The following RPGRIP1L variants were observed in gnomAD, a reference collection of about 807,000 sequenced individuals.
The protein encoded by RPGRIP1L is RPGRIP1 like.
A neutral mutation model predicts 160.4 loss-of-function variants in RPGRIP1L; 131 were observed. That is an observed-to-expected ratio of 0.82 (90% confidence interval 0.71 to 0.94). The LOEUF (loss-of-function observed/expected upper bound fraction) is 0.94, where lower values mean the gene tolerates loss of function less well. RPGRIP1L is among the 40% of genes least tolerant of loss of function. The probability of loss-of-function intolerance (pLI) is 0.00; values close to 1 mark genes in which losing one functional copy is unlikely to be tolerated. For missense variants in RPGRIP1L, 1,522 were observed against 1,535.8 expected, an observed-to-expected ratio of 0.99 and a Z score of 0.15; for synonymous variants, 510 against 515.8, an observed-to-expected ratio of 0.99 and a Z score of 0.15.
rs1428670223 is a variant in RPGRIP1L, at chr16:53,648,961, T to C, written c.2304+3A>G. The C allele has an allele frequency of 6.2e-7, 1 of 1,613,512 alleles. No homozygotes were observed. The highest frequency in any genetic ancestry group is 2.2e-5 in the East Asian group (1 of 44,862). On this transcript the variant is annotated splice_donor_region_variant and intron_variant, in intron 16 of 26. Coordinates refer to ENST00000647211, the MANE Select transcript of RPGRIP1L (RefSeq NM_015272.5). ...AAAGGGTCTTAAAGCCAAATGAGCT[T>C]ACCGACTGCATATGCTCTGGCCCCT...
At chr16:53,616,592 A>G (rs1190560046) in intron 24 of RPGRIP1L, among the ~76,000 whole-genome samples, 5 of 152,204 alleles carry the variant, frequency 3.3e-5, no homozygotes, top group African/African-American at 1.2e-4. Context: ...AAAATTCTAC[A>G]CAGTCAAATT....
chr16:53,625,837 C>T, intron 22 of RPGRIP1L, among the ~76,000 whole-genome samples: 1 of 151,972 alleles, frequency 6.6e-6, no homozygotes, highest in Admixed American at 6.6e-5. Flanking sequence ...AATCTATAAC[C>T]TCACCCCCAA....
rs568192636 is a variant in RPGRIP1L, at chr16:53,618,915, T to C, written c.3616+110A>G. 334 of 912,314 alleles carry C rather than the reference T, an allele frequency of 3.7e-4. No individual in the cohort carries two copies. In the African/African-American group the frequency reaches 5.0e-3, roughly 14 times the overall value. 56.5% of individuals were successfully genotyped at this position (912,314 alleles called of 1,614,324 possible). A position where few individuals can be genotyped will look rare whatever the true frequency, so the allele number is the denominator to read the frequency against. Reference sequence around the variant, plus strand: ...TTAATCAATTCTGACAAGACTTCCATGAATTTATGTGAATATTAGAGAAAT... The same window carrying C: ...TTAATCAATTCTGACAAGACTTCCACGAATTTATGTGAATATTAGAGAAAT... On this transcript the variant is annotated intron_variant, in intron 24 of 26. Transcript: ENST00000647211.
chr16:53,670,340 G>A (rs1223852008), intron 9 of RPGRIP1L, among the ~76,000 whole-genome samples: 1 of 152,126 alleles, frequency 6.6e-6, no homozygotes, highest in East Asian at 1.9e-4. Flanking sequence ...TATTTTCTGA[G>A]GTTTCAGCAC....
chr16:53,621,430 A>ATTTT lies in RPGRIP1L; in HGVS notation c.3432+785_3432+788dup, dbSNP rs10710732. ...ATGATGTCTATCTTATTTCTGGTCA[A>ATTTT]TTTTTTTTTTTTTTTTTTGGATCTC... On this transcript the variant is annotated intron_variant, in intron 23 of 26. Coordinates refer to ENST00000647211, the MANE Select transcript of RPGRIP1L (RefSeq NM_015272.5). Among the ~76,000 whole-genome samples, 9 of 135,072 alleles carry ATTTT rather than the reference A, an allele frequency of 6.7e-5. No individual in the cohort carries two copies. In the East Asian group the frequency reaches 2.0e-3, roughly 29 times the overall value. 88.6% of individuals were successfully genotyped at this position (135,072 alleles called of 152,430 possible).
intron 23 of RPGRIP1L, among the ~76,000 whole-genome samples, chr16:53,621,057 C>T (rs888952560): frequency 6.6e-6 from 1 of 152,134 alleles, no homozygotes; most frequent in Non-Finnish European, 1.5e-5. Context: ...CTTATTTCTA[C>T]TCTGTGAAAA....
intron 13 of RPGRIP1L, 91 bp from the exon 14 acceptor site, chr16:53,656,680 C>T: frequency 1.0e-6 from 1 of 952,614 alleles, no homozygotes; most frequent in Non-Finnish European, 1.7e-6. Flanking sequence ...TTTCTAGATC[C>T]TGGAAATAGT....
chr16:53,685,740 G>C (rs1969960214), intron 6 of RPGRIP1L, among the ~76,000 whole-genome samples: 1 of 152,186 alleles, frequency 6.6e-6, no homozygotes, highest in Admixed American at 6.5e-5. Flanking sequence ...AAAGCATCAG[G>C]AAGAACAGCT....
At chr16:53,701,881 C>T (rs1209873978) in intron 1 of RPGRIP1L, 1 of 152,040 alleles carries the variant, frequency 6.6e-6, no homozygotes, top group Non-Finnish European at 1.5e-5. Flanking sequence ...TATTACAACT[C>T]GCAAATGGTG....
rs2151236754 is a variant in RPGRIP1L at position 53,671,566 on chromosome 16, A to G, written c.1047T>C (p.Asn349=). 1 of 1,546,654 alleles carries G rather than the reference A, an allele frequency of 6.5e-7. No individual in the cohort carries two copies. Among genetic ancestry groups the G allele is most frequent in the Non-Finnish European group, 8.9e-7 (1 of 1,121,628 alleles). The change falls in exon 9 of 27, where the codon AAT becomes AAC. Residue 349 remains asparagine (N), a synonymous_variant. Transcript: ENST00000647211. ...AAAGTTCCCGTTCCTTTTCTAAATC[A>G]TTAATTCTATCCTGCAGCTAAAATG... is the stretch of plus-strand genomic sequence containing the variant. ...RRIEELQDRI[N]DLEKERELLK...
intron 22 of RPGRIP1L, among the ~76,000 whole-genome samples, chr16:53,632,540 C>T (rs1351579633): frequency 6.6e-6 from 1 of 152,150 alleles, no homozygotes; most frequent in Non-Finnish European, 1.5e-5. Flanking sequence ...AGGAACACAG[C>T]AAATGCCCAC....
chr16:53,673,468 T>C (rs1018391382), intron 7 of RPGRIP1L, among the ~76,000 whole-genome samples: 4 of 152,024 alleles, frequency 2.6e-5, no homozygotes, highest in African/African-American at 9.7e-5. Context: ...CAGCTTTTAA[T>C]TTGCATACAA....
chr16:53,644,607 T>A (rs1027781485), intron 17 of RPGRIP1L, among the ~76,000 whole-genome samples: 1 of 152,004 alleles, frequency 6.6e-6, no homozygotes, highest in Non-Finnish European at 1.5e-5. Flanking sequence ...AGAACCACAA[T>A]AAAATTAACA....
intron 12 of RPGRIP1L, 33 bp from the exon 13 acceptor site, chr16:53,657,665 A>G (rs1044775300): frequency 3.2e-6 from 4 of 1,258,044 alleles, no homozygotes; most frequent in Middle Eastern, 2.7e-4. Context: ...TGACTGAAAC[A>G]AAAATTTCTA....
At chr16:53,695,803 T>G (rs1464596419) in intron 3 of RPGRIP1L, 1 of 327,232 alleles carries the variant, frequency 3.1e-6, no homozygotes, top group Non-Finnish European at 5.6e-6. Flanking sequence ...TAGTTACTTT[T>G]TAAAACTTTC....
At chr16:53,623,871 G>A (rs1174007772) in intron 22 of RPGRIP1L, among the ~76,000 whole-genome samples, 1 of 152,196 alleles carries the variant, frequency 6.6e-6, no homozygotes, top group Non-Finnish European at 1.5e-5. Flanking sequence ...AGTGGAGACT[G>A]TGTATCTTTT....
intron 22 of RPGRIP1L, among the ~76,000 whole-genome samples, chr16:53,634,218 C>T (rs140164411): frequency 1.0e-3 from 156 of 152,292 alleles, no homozygotes; most frequent in African/African-American, 3.5e-3. Flanking sequence ...GGGTGCTAAT[C>T]CCATTCACGA....
intron 24 of RPGRIP1L, among the ~76,000 whole-genome samples, chr16:53,614,612 T>C (rs1483816637): frequency 6.6e-6 from 1 of 152,222 alleles, no homozygotes; most frequent in Non-Finnish European, 1.5e-5. Flanking sequence ...CCTCTGATTA[T>C]GTCATGATAT....
chr16:53,663,103 T>A (rs904432554), intron 10 of RPGRIP1L, among the ~76,000 whole-genome samples: 1 of 151,966 alleles, frequency 6.6e-6, no homozygotes, highest in Non-Finnish European at 1.5e-5. Context: ...AGTGATTATT[T>A]TGCTAATATT....
Sources: allele counts gnomAD v4.1 joint callset (sites outside exome capture counted in the v4.1 genomes callset), GRCh38; gene constraint gnomAD v4.1.1; transcripts MANE v1.5; gene names NCBI Gene and HGNC (gene_info 2026-07-23, HGNC 2026-07-21).